HS3ST3A1: variants seen among roughly 807,000 people sequenced by gnomAD.
HS3ST3A1 encodes the protein heparan sulfate-glucosamine 3-sulfotransferase 3A1.
Under a neutral mutation model 25.7 loss-of-function variants are expected in HS3ST3A1, and 19 were observed. The ratio of observed to expected loss-of-function variants is 0.74; its 90% CI spans 0.52 to 1.08. The LOEUF is 1.08. Ranked by LOEUF, HS3ST3A1 falls within the 50% of genes least tolerant of loss-of-function variation. The probability of loss-of-function intolerance (pLI) is 0.00; values close to 1 mark genes in which losing one functional copy is unlikely to be tolerated. For synonymous variants in HS3ST3A1, 226 were observed against 278.6 expected (o/e 0.81, Z 1.88); for missense variants, 459 against 594.3 (o/e 0.77, Z 2.37).
intron 1 of HS3ST3A1, among the ~76,000 whole-genome samples, chr17:13,541,841 C>A (rs1231612120): frequency 2.0e-5 from 3 of 152,132 alleles, no homozygotes; most frequent in African/African-American, 4.8e-5. Flanking sequence ...CCAGAAACCT[C>A]TTTCAACTGT....
chr17:13,551,022 G>A (rs980446814), intron 1 of HS3ST3A1, among the ~76,000 whole-genome samples: 2 of 147,958 alleles, frequency 1.4e-5, no homozygotes, highest in Non-Finnish European at 3.0e-5. Context: ...AGCCGAGATC[G>A]CGTCACTGCA....
chr17:13,559,995 G>GT (rs1364406460), intron 1 of HS3ST3A1, among the ~76,000 whole-genome samples: 2 of 151,634 alleles, frequency 1.3e-5, no homozygotes, highest in Non-Finnish European at 2.9e-5. Flanking sequence ...AGGTACAATA[G>GT]TAAGAGTGTA....
chr17:13,597,277 GA>G (rs1908601816), intron 1 of HS3ST3A1, among the ~76,000 whole-genome samples: 1 of 151,746 alleles, frequency 6.6e-6, no homozygotes, highest in African/African-American at 2.4e-5. Flanking sequence ...TAGCTTACAA[GA>G]AAAAAGAGAC....
chr17:13,541,533 A>G (rs1453664545), intron 1 of HS3ST3A1, among the ~76,000 whole-genome samples: 3 of 152,180 alleles, frequency 2.0e-5, no homozygotes, highest in Non-Finnish European at 4.4e-5. Context: ...ATTCTAATAA[A>G]AAAAGAGCCC....
chr17:13,600,440 G>A, intron 1 of HS3ST3A1, 91 bp downstream of exon 1: 1 of 1,428,618 alleles, frequency 7.0e-7, no homozygotes, highest in Non-Finnish European at 9.1e-7. Flanking sequence ...GGGGAGGAGG[G>A]CGAACTGGGG....
intron 1 of HS3ST3A1, among the ~76,000 whole-genome samples, chr17:13,519,416 T>C (rs934285915): frequency 9.2e-5 from 14 of 152,196 alleles, no homozygotes; most frequent in Non-Finnish European, 1.6e-4. Flanking sequence ...AAACGGCTGA[T>C]GCTGGGGGTG....
chr17:13,554,509 G>A (rs186822012), intron 1 of HS3ST3A1, among the ~76,000 whole-genome samples: 5 of 152,298 alleles, frequency 3.3e-5, no homozygotes, highest in South Asian at 2.1e-4. Context: ...GGCCCTGTGC[G>A]GTGCTGATAT....
At chr17:13,582,067 C>A (rs1466538335) in intron 1 of HS3ST3A1, among the ~76,000 whole-genome samples, 1 of 152,002 alleles carries the variant, frequency 6.6e-6, no homozygotes, top group Non-Finnish European at 1.5e-5. Flanking sequence ...ACTTTCCTGG[C>A]AAACAGTTTG....
intron 1 of HS3ST3A1, among the ~76,000 whole-genome samples, chr17:13,523,751 T>G (rs1906323924): frequency 6.6e-6 from 1 of 152,218 alleles, no homozygotes; most frequent in Admixed American, 6.5e-5. Context: ...GCAACTTGTG[T>G]CTTTTGATAG....
chr17:13,599,540 T>G (rs1233031323), intron 1 of HS3ST3A1, among the ~76,000 whole-genome samples: 3 of 152,004 alleles, frequency 2.0e-5, no homozygotes, highest in African/African-American at 7.3e-5. Context: ...ATAAACTTTA[T>G]AAAATGGAAA....
At chr17:13,504,170 G>A (rs1171395613) in intron 1 of HS3ST3A1, among the ~76,000 whole-genome samples, 1 of 152,058 alleles carries the variant, frequency 6.6e-6, no homozygotes, top group Non-Finnish European at 1.5e-5. Context: ...AAAATTAGCT[G>A]GGTGTGGTGG....
intron 1 of HS3ST3A1, among the ~76,000 whole-genome samples, chr17:13,540,257 A>T (rs1285611166): frequency 6.6e-6 from 1 of 152,192 alleles, no homozygotes; most frequent in African/African-American, 2.4e-5. Flanking sequence ...CAGCAGCTTG[A>T]CACTGGGCAG....
chr17:13,515,723 T>C (rs1167673166), intron 1 of HS3ST3A1, among the ~76,000 whole-genome samples: 1 of 152,140 alleles, frequency 6.6e-6, no homozygotes, highest in East Asian at 1.9e-4. Context: ...TGCCAAACTG[T>C]TTTAAAAAGT....
At chr17:13,548,678 T>C (rs1482664617) in intron 1 of HS3ST3A1, among the ~76,000 whole-genome samples, 1 of 152,186 alleles carries the variant, frequency 6.6e-6, no homozygotes, top group Non-Finnish European at 1.5e-5. Flanking sequence ...AGCTAAAGGA[T>C]TGTAAACACA....
At chr17:13,561,433 C>A (rs1163742965) in intron 1 of HS3ST3A1, among the ~76,000 whole-genome samples, 1 of 151,002 alleles carries the variant, frequency 6.6e-6, no homozygotes, top group African/African-American at 2.4e-5. Context: ...GTCGCCCAGG[C>A]TAGAGTACAG....
intron 1 of HS3ST3A1, among the ~76,000 whole-genome samples, chr17:13,580,425 A>G (rs1448919583): frequency 6.6e-6 from 1 of 152,208 alleles, no homozygotes; most frequent in African/African-American, 2.4e-5. Flanking sequence ...GGTGAATGGA[A>G]GGTTATCTAA....
chr17:13,507,081 A>C (rs1220846294), intron 1 of HS3ST3A1, among the ~76,000 whole-genome samples: 6 of 151,246 alleles, frequency 4.0e-5, no homozygotes, highest in Non-Finnish European at 5.9e-5. Flanking sequence ...AAAAAAAAAA[A>C]AAAAACAAAA....
chr17:13,578,978 G>C (rs1418250534), intron 1 of HS3ST3A1, among the ~76,000 whole-genome samples: 1 of 152,038 alleles, frequency 6.6e-6, no homozygotes, highest in East Asian at 1.9e-4. Context: ...TTTATTACTA[G>C]ATAAGCTGAA....
chr17:13,580,958 C>T (rs1184590503), intron 1 of HS3ST3A1, among the ~76,000 whole-genome samples: 3 of 152,112 alleles, frequency 2.0e-5, no homozygotes, highest in Admixed American at 1.3e-4. Context: ...GGGGCATGTA[C>T]CTGCATGTGT....
Sources: allele counts gnomAD v4.1 joint callset (sites outside exome capture counted in the v4.1 genomes callset), GRCh38; gene constraint gnomAD v4.1.1; transcripts MANE v1.5; gene names NCBI Gene and HGNC (gene_info 2026-07-23, HGNC 2026-07-21).